PTPRJ: variants seen among roughly 807,000 people sequenced by gnomAD.
PTPRJ encodes receptor-type tyrosine-protein phosphatase eta.
In PTPRJ, 129 loss-of-function variants were observed where a neutral mutation model predicts 141.3. The observed-to-expected ratio is 0.91, with a 90% CI of 0.79 to 1.06. The LOEUF is 1.06. Ranked by LOEUF, PTPRJ falls within the 50% of genes least tolerant of loss-of-function variation. The pLI, the probability that PTPRJ is intolerant of heterozygous loss-of-function variation, is 0.00. For missense variants in PTPRJ, 1,601 were observed against 1,679.7 expected, an observed-to-expected ratio of 0.95 and a Z score of 0.82; for synonymous variants, 610 against 640.5, an observed-to-expected ratio of 0.95 and a Z score of 0.72.
At chr11:48,149,735 G>A (rs1284394462) in intron 16 of PTPRJ, 9 of 538,186 alleles carry the variant, frequency 1.7e-5, no homozygotes, top group South Asian at 8.1e-5. Flanking sequence ...TTAAAAAAAC[G>A]TCAAATAGGT....
chr11:48,076,961 C>T (rs911852526), intron 1 of PTPRJ, among the ~76,000 whole-genome samples: 1 of 152,052 alleles, frequency 6.6e-6, no homozygotes, highest in African/African-American at 2.4e-5. Flanking sequence ...TCCACCTCCC[C>T]AGTTCAAGTG....
At chr11:48,055,573 A>G (rs951635417) in intron 1 of PTPRJ, among the ~76,000 whole-genome samples, 5 of 151,772 alleles carry the variant, frequency 3.3e-5, no homozygotes, top group African/African-American at 1.2e-4. Flanking sequence ...GCCACCCTCT[A>G]CTCCACATTC....
At chr11:48,040,259 T>C (rs1225274884) in intron 1 of PTPRJ, among the ~76,000 whole-genome samples, 1 of 152,228 alleles carries the variant, frequency 6.6e-6, no homozygotes, top group African/African-American at 2.4e-5. Flanking sequence ...AACTCCATCA[T>C]AGAGACCGCA....
chr11:48,087,705 C>T (rs1420008535), intron 1 of PTPRJ, among the ~76,000 whole-genome samples: 1 of 152,166 alleles, frequency 6.6e-6, no homozygotes, highest in East Asian at 1.9e-4. Context: ...TTTGAACACA[C>T]CTGTGTTCAG....
intron 1 of PTPRJ, among the ~76,000 whole-genome samples, chr11:47,987,881 G>A (rs1456572403): frequency 6.6e-6 from 1 of 152,192 alleles, no homozygotes; most frequent in Non-Finnish European, 1.5e-5. Flanking sequence ...AAGCAGATGG[G>A]GGGCATTTTG....
intron 2 of PTPRJ, among the ~76,000 whole-genome samples, 158 bp from the exon 3 acceptor site, chr11:48,112,589 G>A (rs768642239): frequency 2.0e-5 from 3 of 152,228 alleles, no homozygotes; most frequent in Non-Finnish European, 4.4e-5. Context: ...CAGTTTCTGA[G>A]GGGCTCATGT....
In PTPRJ at chr11:48,069,445, A is replaced by ATTTTTTTTTTTTTTTTTTTT. The variant is rs35405916; in HGVS notation, c.97-40611_97-40592dup. Among the ~76,000 whole-genome samples, 5 of 121,322 alleles carry ATTTTTTTTTTTTTTTTTTTT rather than the reference A, an allele frequency of 4.1e-5. 2 individuals carry two copies. The highest frequency in any genetic ancestry group is 6.4e-5 in the African/African-American group (2 of 31,090). 79.6% of individuals were successfully genotyped at this position (121,322 alleles called of 152,430 possible). A position where few individuals can be genotyped will look rare whatever the true frequency, so the allele number is the denominator to read the frequency against. On this transcript the variant is annotated intron_variant, in intron 1 of 24. Coordinates refer to ENST00000418331, the MANE Select transcript of PTPRJ (RefSeq NM_002843.4). ...GGCTGTGATAAAAACTACATTGATAATTTTTTTTTTTTTTTTTTTTTGGAG... is the reference window on the plus strand; with the variant it reads ...GGCTGTGATAAAAACTACATTGATAATTTTTTTTTTTTTTTTTTTTTTTTTTTTTTTTTTTTTTTTTGGAG...
chr11:48,047,747 A>G (rs965231040), intron 1 of PTPRJ, among the ~76,000 whole-genome samples: 11 of 152,162 alleles, frequency 7.2e-5, no homozygotes, highest in Non-Finnish European at 1.3e-4. Flanking sequence ...AACTCTGCTC[A>G]AAGTTTTAGA....
In PTPRJ at chr11:48,158,088, G is replaced by T. The variant is rs1013844351; in HGVS notation, c.3439-1842G>T. Among the ~76,000 whole-genome samples, 10 of 152,118 alleles carry T rather than the reference G, an allele frequency of 6.6e-5. No individual in the cohort carries two copies. Among genetic ancestry groups the T allele is most frequent in the Admixed American group, 3.9e-4 (6 of 15,282 alleles). The stretch of plus-strand genomic sequence containing the variant: ...AATGGCCTGAACCCAGGAGGCGGAG[G>T]TTGCAGTGAGCCAAGATTGCACCAC... On this transcript the variant is annotated intron_variant, in intron 21 of 24. Transcript: ENST00000418331. This position sits in a 1 kb window ranked among gnomAD's most constrained non-coding sequence, Gnocchi z 4.4.
At chr11:48,131,447 G>T in intron 8 of PTPRJ, 1 of 766,560 alleles carries the variant, frequency 1.3e-6, no homozygotes, top group East Asian at 2.5e-5. Context: ...TTTGTAATCT[G>T]CCTTTTCCCC....
intron 12 of PTPRJ, among the ~76,000 whole-genome samples, chr11:48,144,245 G>C (rs1857300075): frequency 6.6e-6 from 1 of 152,188 alleles, no homozygotes; most frequent in Non-Finnish European, 1.5e-5. Context: ...CCAGCTCTTA[G>C]TCATTTTGCT....
intron 1 of PTPRJ, among the ~76,000 whole-genome samples, chr11:48,044,154 T>C (rs1331719581): frequency 2.0e-5 from 3 of 152,260 alleles, no homozygotes; most frequent in Non-Finnish European, 2.9e-5. Context: ...GCTTTGGCCT[T>C]GGCCCGCACA....
intron 1 of PTPRJ, among the ~76,000 whole-genome samples, chr11:48,107,597 A>G (rs12293503): frequency 0.011 from 1,617 of 152,238 alleles, 25 homozygotes; most frequent in African/African-American, 0.036. Flanking sequence ...TTGTCCAGCT[A>G]TGGGGGCCAG....
intron 1 of PTPRJ, among the ~76,000 whole-genome samples, chr11:48,018,382 G>A (rs1425632999): frequency 1.3e-5 from 2 of 152,172 alleles, no homozygotes; most frequent in African/African-American, 2.4e-5. Context: ...GCTGAAGTTG[G>A]GGGCTGGGGG....
intron 1 of PTPRJ, among the ~76,000 whole-genome samples, chr11:48,021,376 AAAATAAATAAATAAATAAAT>A (rs71457241): frequency 3.6e-4 from 49 of 136,542 alleles, no homozygotes; most frequent in Middle Eastern, 3.6e-3. Context: ...CTCCGTCCCT[AAAATAAATAAATAAATAAAT>A]AAATAAATAA....
Position 48,136,243 on chromosome 11 carries a change from C to A in PTPRJ, c.1820C>A (p.Ser607Tyr). ...GGCACCTTATATAACATCACCATCT[C>A]TCCAGAAGTGGACCACGTCTGGGGG... The part of the protein sequence containing the change: ...IPGTLYNITI[S>Y]PEVDHVWGDP... Residue 607 changes from serine (S) to tyrosine (Y), a missense_variant, in exon 9 of 25, where the codon TCT becomes TAT. Coordinates refer to ENST00000418331, the MANE Select transcript of PTPRJ (RefSeq NM_002843.4). The A allele has an allele frequency of 6.2e-7, 1 of 1,614,254 alleles. No individual in the cohort carries two copies.
At chr11:48,037,141 T>C (rs1854146730) in intron 1 of PTPRJ, among the ~76,000 whole-genome samples, 1 of 152,242 alleles carries the variant, frequency 6.6e-6, no homozygotes, top group Non-Finnish European at 1.5e-5. Context: ...TCAGAACTTT[T>C]GTAGAGTGCC....
chr11:47,995,344 T>G (rs961110137), intron 1 of PTPRJ, among the ~76,000 whole-genome samples: 1 of 152,212 alleles, frequency 6.6e-6, no homozygotes, highest in Admixed American at 6.5e-5. Context: ...TCAGAACCTC[T>G]GCCAGCTAGT....
At chr11:48,139,377 C>G in intron 10 of PTPRJ, 109 bp from the exon 11 acceptor site, 1 of 1,230,556 alleles carries the variant, frequency 8.1e-7, no homozygotes, top group Non-Finnish European at 1.1e-6. Context: ...GCCTCTTCCA[C>G]CACATCACCC....
Sources: allele counts gnomAD v4.1 joint callset (sites outside exome capture counted in the v4.1 genomes callset), GRCh38; gene constraint gnomAD v4.1.1; non-coding constraint Gnocchi (gnomAD v3.1); transcripts MANE v1.5; gene names NCBI Gene and HGNC (gene_info 2026-07-23, HGNC 2026-07-21).